PTPRS: variants seen among roughly 807,000 people sequenced by gnomAD.
The protein encoded by PTPRS is receptor-type tyrosine-protein phosphatase S.
A neutral mutation model predicts 215.3 loss-of-function variants in PTPRS; 63 were observed. The ratio of observed to expected loss-of-function variants is 0.29; its 90% CI spans 0.24 to 0.36. PTPRS has a LOEUF of 0.36. Ranked by LOEUF, PTPRS falls within the 10% of genes least tolerant of loss-of-function variation. The pLI, the probability that PTPRS is intolerant of heterozygous loss-of-function variation, is 1.00. For synonymous variants in PTPRS, 1,404 were observed against 1,191.4 expected (o/e 1.18, Z -3.68); for missense variants, 2,258 against 2,825.8 (o/e 0.80, Z 4.56).
intron 9 of PTPRS, 76 bp downstream of exon 9, chr19:5,256,032 T>G: frequency 7.4e-7 from 1 of 1,357,852 alleles, no homozygotes; most frequent in Non-Finnish European, 1.0e-6. Flanking sequence ...TCTACATGTG[T>G]TTTGTGTGTG....
At chr19:5,218,392 A>C (rs1282890353) in intron 25 of PTPRS, 28 bp downstream of exon 25, 1 of 1,597,258 alleles carries the variant, frequency 6.3e-7, no homozygotes, top group Non-Finnish European at 8.6e-7. Flanking sequence ...TGTTGGTGGC[A>C]TCCCTGGTAC....
At chr19:5,239,351 TCAGAGA>T (rs925514324) in intron 12 of PTPRS, among the ~76,000 whole-genome samples, 22 of 75,564 alleles carry the variant, frequency 2.9e-4, no homozygotes, top group Non-Finnish European at 4.7e-4. Context: ...GGGGAGAGAG[TCAGAGA>T]CAGAGGGACA....
intron 2 of PTPRS, among the ~76,000 whole-genome samples, chr19:5,275,658 T>C (rs906395996): frequency 1.3e-5 from 2 of 152,044 alleles, no homozygotes; most frequent in African/African-American, 4.8e-5. Context: ...AAACAAACAT[T>C]AGCCAGACAT....
rs537020452 is a variant in PTPRS at position 5,274,862 on chromosome 19, G to T, written c.92-518C>A. The stretch of plus-strand genomic sequence containing the variant: ...GAGGCACCCAGCATGGGGGCGGGGG[G>T]TGACCATGGGACATGAGGTCAGAGC... On this transcript the variant is annotated intron_variant, in intron 2 of 37. Transcript: ENST00000262963. Among the ~76,000 whole-genome samples, 24 of 152,234 alleles carry T rather than the reference G, an allele frequency of 1.6e-4. 3 individuals carry two copies. The highest frequency in any genetic ancestry group is 6.5e-4 in the Admixed American group (10 of 15,290).
intron 1 of PTPRS, among the ~76,000 whole-genome samples, chr19:5,322,508 G>C (rs1010046284): frequency 6.6e-6 from 1 of 152,074 alleles, no homozygotes; most frequent in Non-Finnish European, 1.5e-5. Flanking sequence ...CCGACTGGCC[G>C]ACTCCCGGGT....
At chr19:5,222,271 G>A in intron 18 of PTPRS, 51 bp from the exon 19 acceptor site, 6 of 1,493,084 alleles carry the variant, frequency 4.0e-6, no homozygotes, top group Non-Finnish European at 5.6e-6. Context: ...GGCCCCATGA[G>A]TGCCTGGCAC....
At position 5,295,928 on chromosome 19, in the gene PTPRS, G is replaced by C. The variant is rs2049121021; in HGVS notation, c.-94-9694C>G. On this transcript the variant is annotated intron_variant, in intron 1 of 37. Transcript: ENST00000262963. The surrounding 1 kb of genome is among the most constrained non-coding windows in gnomAD (Gnocchi z 4.6). ...TGCCACCACGTCTGGCTAATTTTTG[G>C]ATTTTTTTGTAGACATGGGATCTCC... Among the ~76,000 whole-genome samples, 1 of 152,032 alleles carries C rather than the reference G, an allele frequency of 6.6e-6. No individual in the cohort carries two copies. The highest frequency in any genetic ancestry group is 6.6e-5 in the Admixed American group (1 of 15,244).
chr19:5,240,184 C>T lies in PTPRS; in HGVS notation c.1704+15G>A. 1 of 1,508,276 alleles carries T rather than the reference C, an allele frequency of 6.6e-7. No individual in the cohort carries two copies. 93.4% of individuals were successfully genotyped at this position (1,508,276 alleles called of 1,614,324 possible). ...GGAGCCCAGGGCAGGCCAGCCCGTCCCCGCGCTGCCTCACCTCCCGGCCAT... is the reference window on the plus strand; with the variant it reads ...GGAGCCCAGGGCAGGCCAGCCCGTCTCCGCGCTGCCTCACCTCCCGGCCAT... On this transcript the variant is annotated intron_variant, in intron 12 of 37. Transcript: ENST00000262963.
chr19:5,250,492 A>G (rs1050696833), intron 9 of PTPRS, among the ~76,000 whole-genome samples: 1 of 152,070 alleles, frequency 6.6e-6, no homozygotes, highest in Non-Finnish European at 1.5e-5. Context: ...CCCGCCCCCA[A>G]TTACCGACCT....
At chr19:5,216,413 G>C (rs1462003074) in intron 26 of PTPRS, among the ~76,000 whole-genome samples, 1 of 151,864 alleles carries the variant, frequency 6.6e-6, no homozygotes, top group African/African-American at 2.4e-5. Flanking sequence ...TAGCTGTCCT[G>C]GGTGCCCCCC....
At chr19:5,302,947 G>C (rs949316970) in intron 1 of PTPRS, among the ~76,000 whole-genome samples, 2 of 151,358 alleles carry the variant, frequency 1.3e-5, no homozygotes, top group Non-Finnish European at 2.9e-5. Context: ...GCGGGCGCCT[G>C]TAGTCCCAGC....
Position 5,340,766 on chromosome 19 carries a change from G to T in PTPRS, c.-197C>A, listed in dbSNP as rs905355908. 6.7e-6 allele frequency: 1 copy of T among 149,604 alleles called. No individual in the cohort carries two copies. Among genetic ancestry groups the T allele is most frequent in the African/African-American group, 2.4e-5 (1 of 41,070 alleles). 9.3% of individuals were successfully genotyped at this position (149,604 alleles called of 1,614,324 possible). On this transcript the variant is annotated 5_prime_UTR_variant, in exon 1 of 38. Coordinates refer to ENST00000262963, the MANE Select transcript of PTPRS (RefSeq NM_002850.4). ...CCCGAGCGCCAGCGGCTCGCGGCGT[G>T]CGCGCGCCGGCCGGGCTGCCGGGCG...
At chr19:5,216,898 C>G in intron 25 of PTPRS, 131 bp from the exon 26 acceptor site, 1 of 640,752 alleles carries the variant, frequency 1.6e-6, no homozygotes, top group East Asian at 2.7e-5. Flanking sequence ...GGGGTATGTA[C>G]AGCCACCTGG....
intron 1 of PTPRS, among the ~76,000 whole-genome samples, chr19:5,336,686 A>T (rs2050512503): frequency 6.6e-6 from 1 of 152,024 alleles, no homozygotes; most frequent in East Asian, 1.9e-4. Flanking sequence ...GTTTTGTATC[A>T]GCTTGCCACA....
intron 1 of PTPRS, among the ~76,000 whole-genome samples, chr19:5,311,679 G>A (rs78132344): frequency 0.025 from 3,810 of 152,224 alleles, 143 homozygotes; most frequent in East Asian, 0.16. Flanking sequence ...TCCCTGGCTG[G>A]CGGCTGGGGT....
intron 2 of PTPRS, chr19:5,277,610 C>T (rs978836249): frequency 8.9e-6 from 3 of 337,758 alleles, no homozygotes; most frequent in East Asian, 1.6e-4. Context: ...GAGCCGAGAT[C>T]GCGCCACCGC....
chr19:5,219,903 G>T (rs1207232366), intron 22 of PTPRS, 36 bp downstream of exon 22: 2 of 1,596,556 alleles, frequency 1.3e-6, no homozygotes, highest in South Asian at 2.2e-5. Flanking sequence ...ATTCAGAGGT[G>T]TGTCTGGATG....
chr19:5,324,629 G>A (rs72985196), intron 1 of PTPRS, among the ~76,000 whole-genome samples: 35 of 152,326 alleles, frequency 2.3e-4, no homozygotes, highest in Non-Finnish European at 3.7e-4. Context: ...GCCACAAAGC[G>A]TGGGGTCAGC....
chr19:5,248,566 G>A (rs1043922153), intron 9 of PTPRS, among the ~76,000 whole-genome samples: 1 of 152,112 alleles, frequency 6.6e-6, no homozygotes, highest in Admixed American at 6.5e-5. Flanking sequence ...TGGGAGCCTC[G>A]TGGACAAAAA....
Sources: gnomAD v4.1 joint callset for allele counts (sites outside exome capture counted in the v4.1 genomes callset) on GRCh38, gnomAD v4.1.1 for gene constraint, Gnocchi (gnomAD v3.1) non-coding constraint, MANE v1.5 for transcripts, NCBI Gene and HGNC (gene_info 2026-07-23, HGNC 2026-07-21) for gene names.